Variants in SLC35D1 observed in about 807,000 individuals in gnomAD.
The protein encoded by SLC35D1 is nucleotide sugar transporter SLC35D1.
A neutral mutation model predicts 46.7 loss-of-function variants in SLC35D1; 31 were observed. That is an observed-to-expected ratio of 0.66 (90% confidence interval 0.50 to 0.90). The LOEUF (loss-of-function observed/expected upper bound fraction) is 0.90, where lower values mean the gene tolerates loss of function less well. SLC35D1 is among the 40% of genes least tolerant of loss of function. The pLI, the probability that SLC35D1 is intolerant of heterozygous loss-of-function variation, is 0.00. For synonymous variants in SLC35D1, 195 were observed against 164.6 expected (o/e 1.18, Z -1.41); for missense variants, 397 against 426.2 (o/e 0.93, Z 0.60).
At chr1:67,046,629 T>C (rs1645254778) in intron 7 of SLC35D1, among the ~76,000 whole-genome samples, 1 of 152,208 alleles carries the variant, frequency 6.6e-6, no homozygotes, top group South Asian at 2.1e-4. Context: ...TCCATTTAGG[T>C]GTTTCTTACA....
the SLC35D1 span, chr1:66,973,078 G>A: frequency 1.3e-4 from 90 of 687,398 alleles, no homozygotes; most frequent in Middle Eastern, 1.0e-3. Context: ...ATATTGTCTA[G>A]TGTTAAAGGT....
At chr1:67,019,378 C>T (rs1296858532) in intron 10 of SLC35D1, among the ~76,000 whole-genome samples, 1 of 152,200 alleles carries the variant, frequency 6.6e-6, no homozygotes, top group Non-Finnish European at 1.5e-5. Context: ...TTGTCTCTAG[C>T]TTTCTAAAGG....
chr1:66,982,992 T>A, the SLC35D1 span, among the ~76,000 whole-genome samples: 2 of 152,254 alleles, frequency 1.3e-5, no homozygotes, highest in African/African-American at 2.4e-5. Context: ...CTATTGTTTT[T>A]CCTGTTTGTT....
the SLC35D1 span, chr1:66,981,783 T>C: frequency 6.2e-7 from 1 of 1,612,296 alleles, no homozygotes; most frequent in Non-Finnish European, 8.5e-7. Context: ...TTTAAGGGAT[T>C]ACATGGATCG....
chr1:66,993,686 T>C, the SLC35D1 span, among the ~76,000 whole-genome samples: 3 of 152,284 alleles, frequency 2.0e-5, no homozygotes, highest in African/African-American at 7.2e-5. Context: ...ACAATGAAAC[T>C]TTCCCATGCT....
intron 8 of SLC35D1, among the ~76,000 whole-genome samples, chr1:67,035,132 TTG>T (rs113505067): frequency 7.2e-5 from 11 of 151,786 alleles, no homozygotes; most frequent in South Asian, 2.1e-4. Flanking sequence ...CAGTTCTGTG[TTG>T]TGTGTGTGTG....
chr1:67,038,044 G>A (rs2815370), intron 8 of SLC35D1, among the ~76,000 whole-genome samples: 121,304 of 152,130 alleles, frequency 0.8, 48,855 homozygotes, highest in African/African-American at 0.89. Flanking sequence ...AGAATGGTTA[G>A]AAACATAACA....
rs1447937308 is a variant in SLC35D1, at chr1:67,029,319, CA to C, written c.730-7718del. Among the ~76,000 whole-genome samples the C allele has an allele frequency of 3.3e-5, 5 of 152,268 alleles. No homozygotes were observed. The East Asian group carries it at 9.6e-4, about 29-fold the overall frequency. On this transcript the variant is annotated intron_variant, in intron 8 of 11. Transcript: ENST00000235345. ...TTATCTCTGTATCCATGGTATTTAA[CA>C]AAGTGATCAGAAAATAGTAGGTGTT...
chr1:67,047,330 T>C lies in SLC35D1; in HGVS notation c.571A>G (p.Ile191Val), dbSNP rs576666635. The C allele has an allele frequency of 6.2e-7, 1 of 1,613,388 alleles. No individual in the cohort carries two copies. The highest frequency in any genetic ancestry group is 1.3e-5 in the African/African-American group (1 of 75,044). The change falls in exon 7 of 12, where the codon ATT (isoleucine) becomes GTT (valine). Residue 191 changes from isoleucine (I) to valine (V), a missense_variant. Ile to Val is a conservative substitution (Grantham distance 29, BLOSUM62 3). Coordinates refer to ENST00000235345, the MANE Select transcript of SLC35D1 (RefSeq NM_015139.3). ...LAFDLEGYAF[I>V]LINDVLTAAN... Reference sequence around the variant, plus strand: ...GCTGTTAGGACATCGTTTATCAGAATAAAAGCATATCCTTCCAGATCAAAT... The same window carrying C: ...GCTGTTAGGACATCGTTTATCAGAACAAAAGCATATCCTTCCAGATCAAAT...
At chr1:66,982,853 C>T in the SLC35D1 span, among the ~76,000 whole-genome samples, 11,309 of 152,218 alleles carry the variant, frequency 0.074, 525 homozygotes, top group African/African-American at 0.13. Flanking sequence ...TAACTATGTC[C>T]TGGTCCAAGA....
At chr1:67,009,316 TAAGG>T in intron 10 of SLC35D1, 149 bp from the exon 11 acceptor site, 1 of 380,206 alleles carries the variant, frequency 2.6e-6, no homozygotes, top group Non-Finnish European at 4.9e-6. Flanking sequence ...AATAATAGTA[TAAGG>T]AAGAACACTA....
At chr1:67,021,122 C>T (rs573542062) in intron 9 of SLC35D1, among the ~76,000 whole-genome samples, 17 of 152,302 alleles carry the variant, frequency 1.1e-4, no homozygotes, top group African/African-American at 3.8e-4. Flanking sequence ...TTAACCTCTA[C>T]ATATTCTCTC....
downstream of SLC35D1, among the ~76,000 whole-genome samples, chr1:66,996,246 C>T (rs180935001): frequency 6.6e-6 from 1 of 152,250 alleles, no homozygotes; most frequent in African/African-American, 2.4e-5. Flanking sequence ...CACAAGAGGG[C>T]ACTTTTAGCA....
intron 11 of SLC35D1, 141 bp from the exon 12 acceptor site, chr1:67,004,589 A>G: frequency 1.4e-6 from 1 of 701,600 alleles, no homozygotes; most frequent in Non-Finnish European, 2.5e-6. Context: ...ATGAAGTACT[A>G]TGCATCCATT....
At chr1:66,986,057 A>AG in the SLC35D1 span, 15 of 1,014,360 alleles carry the variant, frequency 1.5e-5, no homozygotes, top group African/African-American at 8.6e-5. Flanking sequence ...TAAACAGAGG[A>AG]GGGGGGTCAA....
At chr1:67,049,761 A>G in intron 6 of SLC35D1, 21 bp downstream of exon 6, 1 of 1,599,690 alleles carries the variant, frequency 6.3e-7, no homozygotes, top group Non-Finnish European at 8.6e-7. Flanking sequence ...ATAATGTGCT[A>G]GTCATAGGCC....
At chr1:67,021,710 CAG>C (rs72331230) in intron 8 of SLC35D1, 108 bp from the exon 9 acceptor site, 92,382 of 357,112 alleles carry the variant, frequency 0.26, 6,307 homozygotes, top group South Asian at 0.36. Context: ...GACACAGACA[CAG>C]ACACAGACAC....
downstream of SLC35D1, among the ~76,000 whole-genome samples, chr1:66,997,688 T>C (rs1478171378): frequency 2.6e-5 from 2 of 76,682 alleles, no homozygotes. Flanking sequence ...ATCAAAAATA[T>C]ATTCAAGATC....
At chr1:67,046,939 T>A (rs1311040661) in intron 7 of SLC35D1, among the ~76,000 whole-genome samples, 1 of 152,182 alleles carries the variant, frequency 6.6e-6, no homozygotes, top group African/African-American at 2.4e-5. Context: ...GTAGTTCTCT[T>A]TCTGCCTCCC....
Sources: allele counts gnomAD v4.1 joint callset (sites outside exome capture counted in the v4.1 genomes callset), GRCh38; gene constraint gnomAD v4.1.1; transcripts MANE v1.5; gene names NCBI Gene and HGNC (gene_info 2026-07-23, HGNC 2026-07-21).